CDH13: variants seen among roughly 807,000 people sequenced by gnomAD.
CDH13 encodes cadherin-13.
A neutral mutation model predicts 63.8 loss-of-function variants in CDH13; 24 were observed. The observed-to-expected ratio is 0.38, with a 90% CI of 0.27 to 0.53. The LOEUF (loss-of-function observed/expected upper bound fraction) is 0.53. CDH13 is among the 20% of genes least tolerant of loss of function. CDH13 has a pLI of 0.85. For synonymous variants in CDH13, 503 were observed against 355.3 expected, an observed-to-expected ratio of 1.42 and a Z score of -4.67; for missense variants, 1,049 against 903.1, an observed-to-expected ratio of 1.16 and a Z score of -2.07.
chr16:83,787,296 A>C (rs188072740), intron 13 of CDH13, among the ~76,000 whole-genome samples: 1 of 151,860 alleles, frequency 6.6e-6, no homozygotes, highest in Non-Finnish European at 1.5e-5. Flanking sequence ...TCACATATTC[A>C]TCTTTATTGT....
At chr16:82,676,890 T>TGGTTC (rs145357748) in intron 1 of CDH13, among the ~76,000 whole-genome samples, 1 of 150,548 alleles carries the variant, frequency 6.6e-6, no homozygotes, top group African/African-American at 2.5e-5. Context: ...TGTTTTGTTT[T>TGGTTC]GTTTTGTTTT....
intron 11 of CDH13, among the ~76,000 whole-genome samples, chr16:83,750,507 G>A (rs1349124199): frequency 6.6e-6 from 1 of 152,136 alleles, no homozygotes; most frequent in Non-Finnish European, 1.5e-5. Flanking sequence ...TCCATAGCAT[G>A]TACCTTATTT....
intron 5 of CDH13, among the ~76,000 whole-genome samples, chr16:83,235,195 A>T (rs979014585): frequency 2.6e-5 from 4 of 152,110 alleles, no homozygotes; most frequent in African/African-American, 9.7e-5. Context: ...ACAGAGTGAG[A>T]CCCAGTCTCA....
chr16:82,980,274 C>G (rs1480637268), intron 2 of CDH13, among the ~76,000 whole-genome samples: 1 of 152,152 alleles, frequency 6.6e-6, no homozygotes, highest in African/African-American at 2.4e-5. Flanking sequence ...CCTTTTCTCC[C>G]TGCCTTCCCT....
At chr16:82,818,561 T>C (rs916398223) in intron 1 of CDH13, among the ~76,000 whole-genome samples, 3 of 152,158 alleles carry the variant, frequency 2.0e-5, no homozygotes, top group African/African-American at 7.2e-5. Flanking sequence ...AGGAGTTTTT[T>C]AGAAAGGGGT....
chr16:82,630,610 G>A (rs1416895726), intron 1 of CDH13, among the ~76,000 whole-genome samples: 2 of 152,194 alleles, frequency 1.3e-5, no homozygotes, highest in Admixed American at 1.3e-4. Context: ...AAAAGCATCA[G>A]CACTTGGATG....
chr16:82,938,009 T>G (rs1402585370), intron 2 of CDH13, among the ~76,000 whole-genome samples: 1 of 152,224 alleles, frequency 6.6e-6, no homozygotes, highest in African/African-American at 2.4e-5. Context: ...TTGTGTTAGC[T>G]TACATAATTT....
intron 1 of CDH13, among the ~76,000 whole-genome samples, chr16:82,672,891 T>A (rs1351555718): frequency 2.6e-5 from 4 of 151,812 alleles, no homozygotes; most frequent in Non-Finnish European, 5.9e-5. Flanking sequence ...CATGACTCAC[T>A]GCCACTTCTA....
At chr16:82,848,300 A>G (rs1730004071) in intron 1 of CDH13, among the ~76,000 whole-genome samples, 1 of 152,142 alleles carries the variant, frequency 6.6e-6, no homozygotes, top group African/African-American at 2.4e-5. Context: ...TGTTGGAGCA[A>G]TGCTTTGTGT....
rs376159089 is a variant in CDH13, at chr16:83,081,461, T to G, written c.367-43924T>G. 1.1e-4 allele frequency among the ~76,000 whole-genome samples: 16 copies of G among 152,322 alleles called. No individual in the cohort carries two copies. In the South Asian group the frequency reaches 2.9e-3, roughly 28 times the overall value. The stretch of plus-strand genomic sequence containing the variant: ...GCGTTTAGAGAATAGGGTATACACA[T>G]GCTTTTAAATGCACAGAGTGTACCA... On this transcript the variant is annotated intron_variant, in intron 3 of 13. Coordinates refer to ENST00000567109, the MANE Select transcript of CDH13 (RefSeq NM_001257.5).
intron 3 of CDH13, among the ~76,000 whole-genome samples, chr16:83,072,200 G>T (rs969938614): frequency 1.3e-5 from 2 of 152,218 alleles, no homozygotes; most frequent in African/African-American, 4.8e-5. Context: ...TAAACCTTCA[G>T]TGGAAATCCT....
In CDH13 at chr16:83,697,872, C is replaced by G. The variant is rs140496391; in HGVS notation, c.1538+19411C>G. On this transcript the variant is annotated intron_variant, in intron 10 of 13. Coordinates refer to ENST00000567109, the MANE Select transcript of CDH13 (RefSeq NM_001257.5). ...ATGTTGGCCAGGCTGATCTCAAACT[C>G]CTGGCCTCAAGTGGTCTGCCCCGCC... Among the ~76,000 whole-genome samples the G allele has an allele frequency of 3.0e-3, 463 of 152,342 alleles. 4 individuals are homozygous for G. Among genetic ancestry groups the G allele is most frequent in the African/African-American group, 0.011 (447 of 41,578 alleles).
chr16:82,712,239 AATTT>A (rs1273951592), intron 1 of CDH13, among the ~76,000 whole-genome samples: 1 of 152,146 alleles, frequency 6.6e-6, no homozygotes, highest in Non-Finnish European at 1.5e-5. Flanking sequence ...AATCTTCATT[AATTT>A]ATTTTACTAA....
rs755858634 is a variant in CDH13 at position 83,670,945 on chromosome 16, C to T, written c.1257C>T (p.Thr419=). The T allele has an allele frequency of 1.2e-6, 2 of 1,603,578 alleles. No homozygotes were observed. The highest frequency in any genetic ancestry group is 2.7e-5 in the African/African-American group (2 of 74,670). ...QSFEIHTNPQ[T]NEGMLSVVKP... Reference sequence around the variant, plus strand: ...TTGAAATCCACACCAACCCTCAAACCAACGAAGGGATGCTTTCTGTTGTCA... The same window carrying T: ...TTGAAATCCACACCAACCCTCAAACTAACGAAGGGATGCTTTCTGTTGTCA... Residue 419 remains threonine, a synonymous_variant, in exon 9 of 14, where the codon ACC becomes ACT. Transcript: ENST00000567109.
intron 8 of CDH13, among the ~76,000 whole-genome samples, chr16:83,607,907 G>T (rs939315305): frequency 6.6e-6 from 1 of 151,840 alleles, no homozygotes; most frequent in Admixed American, 6.6e-5. Flanking sequence ...TGTCTCTTAG[G>T]TTATTTTATT....
At chr16:82,737,169 G>C (rs1048183948) in intron 1 of CDH13, among the ~76,000 whole-genome samples, 1 of 152,208 alleles carries the variant, frequency 6.6e-6, no homozygotes, top group Non-Finnish European at 1.5e-5. Context: ...GCACCTGGAT[G>C]TCCCAAAGGC....
At chr16:82,965,673 A>G (rs1907693643) in intron 2 of CDH13, among the ~76,000 whole-genome samples, 1 of 152,116 alleles carries the variant, frequency 6.6e-6, no homozygotes, top group Non-Finnish European at 1.5e-5. Context: ...TTAAATTTTT[A>G]GTAGTGACGG....
At chr16:82,992,916 C>G (rs1031244507) in intron 2 of CDH13, among the ~76,000 whole-genome samples, 1 of 152,130 alleles carries the variant, frequency 6.6e-6, no homozygotes, top group Admixed American at 6.5e-5. Flanking sequence ...AGGGCTCAGG[C>G]TTGCAGGTTT....
chr16:83,764,666 GC>G, intron 11 of CDH13, among the ~76,000 whole-genome samples: 2 of 149,404 alleles, frequency 1.3e-5, no homozygotes, highest in Non-Finnish European at 3.0e-5. Context: ...CATCCTGCCT[GC>G]CTTCCCTGAG....
Sources: gnomAD v4.1 joint callset for allele counts (sites outside exome capture counted in the v4.1 genomes callset) on GRCh38, gnomAD v4.1.1 for gene constraint, MANE v1.5 for transcripts, NCBI Gene and HGNC (gene_info 2026-07-23, HGNC 2026-07-21) for gene names.